The following UTRN variants were observed in gnomAD, a reference collection of about 807,000 sequenced individuals.
UTRN encodes the protein dystrophin-related protein 1.
In UTRN, 283 loss-of-function variants were observed where a neutral mutation model predicts 463.9. The observed-to-expected ratio is 0.61, with a 90% CI of 0.55 to 0.67. UTRN has a LOEUF of 0.67. Ranked by LOEUF, UTRN falls within the 30% of genes least tolerant of loss-of-function variation. The pLI, the probability that UTRN is intolerant of heterozygous loss-of-function variation, is 0.00. For missense variants in UTRN, 3,922 were observed against 4,084.3 expected (o/e 0.96, Z 1.08); for synonymous variants, 1,442 against 1,431.5 (o/e 1.01, Z -0.17).
chr6:144,680,992 GAGTAACATGATT>G (rs1451000084), intron 52 of UTRN, among the ~76,000 whole-genome samples: 1 of 152,174 alleles, frequency 6.6e-6, no homozygotes, highest in East Asian at 1.9e-4. Flanking sequence ...GGAGCCTTTT[GAGTAACATGATT>G]AGATTTGGGC....
intron 60 of UTRN, among the ~76,000 whole-genome samples, chr6:144,775,465 T>C (rs1775240891): frequency 6.6e-6 from 1 of 152,148 alleles, no homozygotes; most frequent in Admixed American, 6.5e-5. Context: ...AATTAGCAGG[T>C]GGTAGTAGTT....
chr6:144,731,884 CAG>C (rs1181570352), intron 54 of UTRN, among the ~76,000 whole-genome samples: 1 of 151,374 alleles, frequency 6.6e-6, no homozygotes, highest in Non-Finnish European at 1.5e-5. Flanking sequence ...TTTTTTGAGA[CAG>C]AGTCTCACTC....
intron 26 of UTRN, among the ~76,000 whole-genome samples, chr6:144,481,867 C>T (rs188376487): frequency 3.3e-4 from 50 of 152,284 alleles, no homozygotes; most frequent in Admixed American, 2.4e-3. Context: ...AGACCAGCCC[C>T]GCCAACATGG....
At chr6:144,609,238 G>A (rs1805213656) in intron 51 of UTRN, among the ~76,000 whole-genome samples, 1 of 152,058 alleles carries the variant, frequency 6.6e-6, no homozygotes, top group African/African-American at 2.4e-5. Flanking sequence ...AGAAAGTGAA[G>A]GGGTGAAAAA....
chr6:144,772,650 G>C (rs1187800390), intron 59 of UTRN, among the ~76,000 whole-genome samples: 1 of 152,018 alleles, frequency 6.6e-6, no homozygotes. Flanking sequence ...TTTGCTTTTG[G>C]CTCACTTTTT....
In UTRN at chr6:144,550,993, A is replaced by G. The variant is rs781534762; in HGVS notation, c.6839A>G (p.His2280Arg). The G allele has an allele frequency of 9.9e-6, 16 of 1,611,812 alleles. No homozygotes were observed. The highest frequency in any genetic ancestry group is 1.4e-5 in the Non-Finnish European group (16 of 1,179,454). The change falls in exon 48 of 75, where the codon CAT becomes CGT. Residue 2280 changes from histidine to arginine, a missense_variant. This residue lies in a region of UTRN where 1,309 missense variants were observed against 1,452.6 expected (regional missense o/e 0.90). Coordinates refer to ENST00000367545, the MANE Select transcript of UTRN (RefSeq NM_007124.3). Reference protein sequence around the residue: ...KITKADLEQRHPQLDYVFTLA... With the variant: ...KITKADLEQRRPQLDYVFTLA... The stretch of plus-strand genomic sequence containing the variant: ...ACAAAGGCTGACTTAGAACAGCGCC[A>G]TCCTCAGCTGGATTATGTTTTTACA...
rs1243223832 is a variant in UTRN at position 144,437,577 on chromosome 6, GA to G, written c.1074del (p.Glu358AspfsTer2). 1 of 1,608,440 alleles carries G rather than the reference GA, an allele frequency of 6.2e-7. No homozygotes were observed. The highest frequency in any genetic ancestry group is 8.5e-7 in the Non-Finnish European group (1 of 1,178,132). On this transcript the variant is annotated frameshift_variant, in exon 11 of 75. Coordinates refer to ENST00000367545, the MANE Select transcript of UTRN (RefSeq NM_007124.3). LOFTEE classifies it high-confidence loss of function. ...QFATHEAFMM[E>X]LTAHQSSVGS... is the part of the protein sequence containing the mutation. ...TGTCCCTTTCTAGGCTTTTATGATG[GA>G]ACTGACTGCACACCAGAGCAGTGTG...
At chr6:144,848,853 C>T (rs888309887) in intron 74 of UTRN, among the ~76,000 whole-genome samples, 1 of 152,064 alleles carries the variant, frequency 6.6e-6, no homozygotes, top group Non-Finnish European at 1.5e-5. Context: ...GGAACATGAC[C>T]TACGGAGTCA....
chr6:144,561,121 A>G (rs1799825144), intron 50 of UTRN, among the ~76,000 whole-genome samples: 1 of 149,134 alleles, frequency 6.7e-6, no homozygotes, highest in African/African-American at 2.5e-5. Context: ...ATGTGTTTAT[A>G]GCACAGTCAG....
chr6:144,414,701 A>G (rs1334198863), intron 3 of UTRN, among the ~76,000 whole-genome samples: 5 of 145,230 alleles, frequency 3.4e-5, no homozygotes, highest in South Asian at 2.2e-4. Flanking sequence ...TGTCCTATAC[A>G]GGTGTACTAT....
chr6:144,329,737 T>C (rs575656763), intron 2 of UTRN, among the ~76,000 whole-genome samples: 1 of 152,354 alleles, frequency 6.6e-6, no homozygotes, highest in East Asian at 1.9e-4. Flanking sequence ...TCCAAGTTCA[T>C]GGACCCCCTG....
At chr6:144,435,864 A>G in intron 9 of UTRN, 71 bp from the exon 10 acceptor site, 1 of 1,540,312 alleles carries the variant, frequency 6.5e-7, no homozygotes. Context: ...GGTTCGCCAT[A>G]CAGTGTGAGT....
intron 51 of UTRN, among the ~76,000 whole-genome samples, chr6:144,614,416 G>T (rs902747492): frequency 6.6e-6 from 1 of 152,072 alleles, no homozygotes; most frequent in Non-Finnish European, 1.5e-5. Context: ...TCCTGGGAAG[G>T]TTTCCAGTGA....
intron 16 of UTRN, 36 bp downstream of exon 16, chr6:144,447,817 AG>A: frequency 6.5e-7 from 1 of 1,541,516 alleles, no homozygotes; most frequent in South Asian, 1.3e-5. Context: ...TGTGCCATGA[AG>A]TAAACATTTA....
At chr6:144,736,004 G>A (rs1307911224) in intron 54 of UTRN, among the ~76,000 whole-genome samples, 2 of 151,516 alleles carry the variant, frequency 1.3e-5, no homozygotes, top group Non-Finnish European at 2.9e-5. Flanking sequence ...ACATTTGGGG[G>A]GACAAGAAAA....
chr6:144,558,406 A>T (rs1378210791), intron 50 of UTRN, among the ~76,000 whole-genome samples: 2 of 152,168 alleles, frequency 1.3e-5, no homozygotes, highest in Non-Finnish European at 2.9e-5. Flanking sequence ...TTTTACTACA[A>T]CTTTTCTCTT....
rs80188955 is a variant in UTRN, at chr6:144,846,877, G to A, written c.10293+50G>A. On this transcript the variant is annotated intron_variant, in intron 74 of 74. Transcript: ENST00000367545. ...TCTATGTTACTGATCCCAACCTAGA[G>A]TAAGCAGATTATCCACGACTGATTT... The A allele has an allele frequency of 0.049, 79,376 of 1,608,050 alleles. 2,219 individuals are homozygous for A. Among genetic ancestry groups the A allele is most frequent in the South Asian group, 0.083 (7,567 of 90,776 alleles).
Position 144,836,475 on chromosome 6 carries a change from G to A in UTRN, c.9999G>A (p.Gln3333=). 6.2e-7 allele frequency: 1 copy of A among 1,614,048 alleles called. No homozygotes were observed. Among genetic ancestry groups the A allele is most frequent in the South Asian group, 1.1e-5 (1 of 91,082 alleles). The change falls in exon 71 of 75, where the codon CAG becomes CAA. Residue 3333 remains glutamine, a synonymous_variant. Transcript: ENST00000367545. ...QHKGRLEARM[Q]ILEDHNKQLE... is the part of the protein sequence containing the mutation. ...AAGGTCGGCTGGAGGCTAGGATGCA[G>A]ATTTTAGAAGATCACAATAAACAGC...
intron 2 of UTRN, among the ~76,000 whole-genome samples, chr6:144,362,432 T>C (rs1779163430): frequency 6.6e-6 from 1 of 152,246 alleles, no homozygotes; most frequent in Non-Finnish European, 1.5e-5. Flanking sequence ...ATTTTGAATG[T>C]ATTTTCTAAA....
Sources: gnomAD v4.1 joint callset for allele counts (sites outside exome capture counted in the v4.1 genomes callset) on GRCh38, gnomAD v4.1.1 for gene constraint, gnomAD v4.1.1 regional missense constraint, MANE v1.5 for transcripts, NCBI Gene and HGNC (gene_info 2026-07-23, HGNC 2026-07-21) for gene names.